The following NAALADL2 variants were observed in gnomAD, a reference collection of about 807,000 sequenced individuals.
NAALADL2 encodes N-acetylated alpha-linked acidic dipeptidase like 2.
In NAALADL2, 76 loss-of-function variants were observed where a neutral mutation model predicts 87.2. That is an observed-to-expected ratio of 0.87 (90% CI 0.72 to 1.05). The LOEUF is 1.05. Ranked by LOEUF, NAALADL2 falls within the 50% of genes least tolerant of loss-of-function variation. The probability of loss-of-function intolerance (pLI) is 0.00; values close to 1 mark genes in which losing one functional copy is unlikely to be tolerated. For synonymous variants in NAALADL2, 354 were observed against 331.0 expected (o/e 1.07, Z -0.75); for missense variants, 1,089 against 945.8 (o/e 1.15, Z -1.99).
chr3:175,194,809 C>G (rs1738735816), intron 2 of NAALADL2, among the ~76,000 whole-genome samples: 1 of 151,564 alleles, frequency 6.6e-6, no homozygotes, highest in African/African-American at 2.4e-5. Context: ...GGAACCACAT[C>G]CTTGTAATTC....
At chr3:174,608,023 T>C (rs985202830) in intron 2 of NAALADL2, among the ~76,000 whole-genome samples, 11 of 151,974 alleles carry the variant, frequency 7.2e-5, no homozygotes, top group African/African-American at 1.7e-4. Context: ...CACTCAAAAC[T>C]GCTCAACTAC....
upstream of NAALADL2, among the ~76,000 whole-genome samples, chr3:174,857,247 A>C (rs757648998): frequency 1.3e-5 from 2 of 152,192 alleles, no homozygotes; most frequent in Non-Finnish European, 2.9e-5. Flanking sequence ...GGCATGCACA[A>C]AGACCCAGAA....
chr3:175,674,985 T>G (rs1582858045), intron 11 of NAALADL2: 1 of 152,218 alleles, frequency 6.6e-6, no homozygotes, highest in Admixed American at 6.5e-5. Flanking sequence ...TTTTTGCTTT[T>G]ATCAAACTTT....
chr3:175,434,560 CTG>C (rs1004613244), intron 5 of NAALADL2, among the ~76,000 whole-genome samples: 34 of 152,108 alleles, frequency 2.2e-4, no homozygotes, highest in African/African-American at 8.2e-4. Context: ...GAGCTTCTGT[CTG>C]TTCATTTAAT....
chr3:175,466,564 C>T (rs1053824682), intron 7 of NAALADL2, among the ~76,000 whole-genome samples: 2 of 152,044 alleles, frequency 1.3e-5, no homozygotes, highest in Non-Finnish European at 2.9e-5. Flanking sequence ...CCATACATGA[C>T]TACCACATTT....
intron 3 of NAALADL2, among the ~76,000 whole-genome samples, chr3:174,765,314 A>C (rs1231671259): frequency 2.6e-5 from 4 of 152,178 alleles, no homozygotes; most frequent in Non-Finnish European, 5.9e-5. Flanking sequence ...GAAATATTAG[A>C]GCTTATGTTG....
intron 2 of NAALADL2, among the ~76,000 whole-genome samples, chr3:174,708,456 T>A (rs1279537076): frequency 6.6e-6 from 1 of 152,186 alleles, no homozygotes; most frequent in East Asian, 1.9e-4. Context: ...AGATAAACAT[T>A]TTATGCAGAT....
At chr3:175,555,101 A>G (rs1684890867) in intron 9 of NAALADL2, among the ~76,000 whole-genome samples, 2 of 152,178 alleles carry the variant, frequency 1.3e-5, no homozygotes, top group Admixed American at 6.5e-5. Flanking sequence ...GACCCTATCT[A>G]TTGGTGAGTC....
intron 5 of NAALADL2, among the ~76,000 whole-genome samples, chr3:175,424,612 G>A (rs1225631026): frequency 6.6e-6 from 1 of 152,044 alleles, no homozygotes; most frequent in East Asian, 1.9e-4. Context: ...GCTCTGTTCT[G>A]TTCTATATCT....
chr3:174,533,092 G>A (rs907880524), intron 1 of NAALADL2, among the ~76,000 whole-genome samples: 3 of 108,706 alleles, frequency 2.8e-5, no homozygotes, highest in South Asian at 5.8e-4. Flanking sequence ...TTTCTTTTAC[G>A]TGCCCACCTT....
intron 1 of NAALADL2, among the ~76,000 whole-genome samples, chr3:174,898,656 GAAAT>G (rs922112037): frequency 1.1e-4 from 17 of 151,212 alleles, no homozygotes; most frequent in Non-Finnish European, 1.8e-4. Context: ...AGTAATTTAA[GAAAT>G]AAATAAAAAT....
At chr3:174,831,939 G>A (rs1196580935) in intron 3 of NAALADL2, among the ~76,000 whole-genome samples, 1 of 151,470 alleles carries the variant, frequency 6.6e-6, no homozygotes, top group Non-Finnish European at 1.5e-5. Flanking sequence ...GTATTTCTGT[G>A]GGATCGGTGG....
intron 2 of NAALADL2, among the ~76,000 whole-genome samples, chr3:174,555,096 C>T (rs1418212062): frequency 6.6e-6 from 1 of 152,154 alleles, no homozygotes; most frequent in Non-Finnish European, 1.5e-5. Flanking sequence ...TGGAGATTAG[C>T]TTTCTACATA....
rs146105644 is a variant in NAALADL2 at position 175,529,922 on chromosome 3, T to C, written c.1654-46119T>C. Among the ~76,000 whole-genome samples the C allele has an allele frequency of 6.8e-4, 103 of 152,222 alleles. 1 individual carries two copies. The highest frequency in any genetic ancestry group is 2.1e-3 in the African/African-American group (86 of 41,522). ...CCTTTCCATAATGGAAGAGGTCCAA[T>C]ATAATCAACCTGGCACCAGGTAGCT... On this transcript the variant is annotated intron_variant, in intron 9 of 13. Transcript: ENST00000454872.
At chr3:175,394,613 CA>C (rs1769523931) in intron 5 of NAALADL2, among the ~76,000 whole-genome samples, 1 of 152,096 alleles carries the variant, frequency 6.6e-6, no homozygotes, top group Non-Finnish European at 1.5e-5. Context: ...TGTAAACTGA[CA>C]GTTGTGTTTT....
chr3:175,219,157 T>C lies in NAALADL2; in HGVS notation c.546-14774T>C, dbSNP rs376101138. Among the ~76,000 whole-genome samples, 62 of 152,248 alleles carry C rather than the reference T, an allele frequency of 4.1e-4. 1 individual carries two copies. In the South Asian group the frequency reaches 0.012, roughly 29 times the overall value. The stretch of plus-strand genomic sequence containing the variant: ...TTTGTTGGGTTTATACTAAAGACTA[T>C]TATATATTCTTGCCAGCAGAATATG... On this transcript the variant is annotated intron_variant, in intron 2 of 13. Coordinates refer to ENST00000454872, the MANE Select transcript of NAALADL2 (RefSeq NM_207015.3).
intron 1 of NAALADL2, among the ~76,000 whole-genome samples, chr3:174,548,920 GC>G (rs1015499427): frequency 6.6e-6 from 1 of 152,136 alleles, no homozygotes; most frequent in Non-Finnish European, 1.5e-5. Context: ...GCTCACTGCA[GC>G]CCCAATCTCT....
chr3:174,973,293 G>C (rs75864312), intron 1 of NAALADL2, among the ~76,000 whole-genome samples: 6 of 152,206 alleles, frequency 3.9e-5, no homozygotes, highest in Admixed American at 2.6e-4. Flanking sequence ...CATGAAAGAA[G>C]AATGAGTGAA....
At chr3:175,625,330 T>A (rs1331293515) in intron 10 of NAALADL2, among the ~76,000 whole-genome samples, 9 of 152,056 alleles carry the variant, frequency 5.9e-5, no homozygotes, top group Non-Finnish European at 1.2e-4. Context: ...CAGCGTATTA[T>A]GAATGTCAGT....
Sources: allele counts gnomAD v4.1 joint callset (sites outside exome capture counted in the v4.1 genomes callset), GRCh38; gene constraint gnomAD v4.1.1; transcripts MANE v1.5; gene names NCBI Gene and HGNC (gene_info 2026-07-23, HGNC 2026-07-21).